Variants in RETSAT observed in about 807,000 individuals in gnomAD.
RETSAT encodes all-trans-retinol 13,14-reductase.
A neutral mutation model predicts 61.6 loss-of-function variants in RETSAT; 35 were observed. The ratio of observed to expected loss-of-function variants is 0.57; its 90% CI spans 0.43 to 0.75. RETSAT has a LOEUF of 0.75. RETSAT is among the 30% of genes least tolerant of loss of function. RETSAT has a pLI of 0.00. For missense variants in RETSAT, 670 were observed against 759.5 expected (o/e 0.88, Z 1.38); for synonymous variants, 277 against 310.4 (o/e 0.89, Z 1.13).
chr2:85,344,578 C>T lies in RETSAT; in HGVS notation c.1256+16G>A, dbSNP rs1396501784. On this transcript the variant is annotated intron_variant, in intron 7 of 10. Coordinates refer to ENST00000295802, the MANE Select transcript of RETSAT (RefSeq NM_017750.4). ...GAGGCACGGGCCACACACATACACA[C>T]ACACGTGCACCTTACGCCTGGTCCA... 2 of 1,613,578 alleles carry T rather than the reference C, an allele frequency of 1.2e-6. No homozygotes were observed. The highest frequency in any genetic ancestry group is 3.3e-5 in the Admixed American group (2 of 59,980).
intron 5 of RETSAT, among the ~76,000 whole-genome samples, chr2:85,348,943 G>A (rs1683252584): frequency 6.6e-6 from 1 of 151,616 alleles, no homozygotes; most frequent in South Asian, 2.1e-4. Context: ...TAGAGACGGG[G>A]TTTCACCGTA....
chr2:85,349,910 G>T, intron 4 of RETSAT, 130 bp downstream of exon 4: 1 of 841,764 alleles, frequency 1.2e-6, no homozygotes, highest in Non-Finnish European at 1.8e-6. Flanking sequence ...TCATCCACAA[G>T]CTCCAGAGGG....
chr2:85,344,706 G>T lies in RETSAT; in HGVS notation c.1144C>A (p.Arg382=), dbSNP rs573635973. 16 of 1,614,096 alleles carry T rather than the reference G, an allele frequency of 9.9e-6. 1 individual carries two copies. The South Asian group carries it at 1.5e-4, about 16-fold the overall frequency. The change falls in exon 7 of 11, where the codon CGG becomes AGG. Residue 382 remains arginine, a synonymous_variant. Transcript: ENST00000295802. ...PGVKQQLGTV[R]PGLGMTSVFI... is the part of the protein sequence containing the mutation. ...ACAGAGGTCATGCCTAAGCCGGGCC[G>T]CACCGTCCCCAGTTGCTGCTTCACA...
chr2:85,350,387 A>G (rs1683278520), intron 3 of RETSAT, 146 bp from the exon 4 acceptor site: 1 of 664,262 alleles, frequency 1.5e-6, no homozygotes, highest in South Asian at 1.9e-5. Context: ...TAAAAAATCT[A>G]TACTCTGTGA....
chr2:85,349,184 C>A (rs923713864), intron 5 of RETSAT, among the ~76,000 whole-genome samples, 200 bp downstream of exon 5: 1 of 152,126 alleles, frequency 6.6e-6, no homozygotes. Flanking sequence ...ACCACTATGC[C>A]CGGCCAATCC....
intron 5 of RETSAT, 48 bp from the exon 6 acceptor site, chr2:85,346,142 G>A (rs141261861): frequency 1.2e-5 from 19 of 1,582,100 alleles, no homozygotes; most frequent in East Asian, 2.2e-5. Flanking sequence ...CTGGGATGAA[G>A]AGAAAGGCCC....
At chr2:85,349,778 C>A (rs973712225) in intron 4 of RETSAT, 197 bp from the exon 5 acceptor site, 6 of 631,594 alleles carry the variant, frequency 9.5e-6, no homozygotes, top group Middle Eastern at 8.6e-4. Context: ...AGTAGGAATA[C>A]CCCCCCTGCA....
In RETSAT at chr2:85,349,468, G is replaced by C; in HGVS notation, c.913C>G (p.Pro305Ala). The C allele has an allele frequency of 6.2e-7, 1 of 1,614,190 alleles. No homozygotes were observed. The highest frequency in any genetic ancestry group is 8.5e-7 in the Non-Finnish European group (1 of 1,180,034). The change falls in exon 5 of 11, where the codon CCT becomes GCT. Residue 305 changes from proline to alanine, a missense_variant. Transcript: ENST00000295802. ...GCGCCCCCAGCCCGCTGAATCACAGGGATGGTGTGGAAGGCAATTTCACTG... is the reference window on the plus strand; with the variant it reads ...GCGCCCCCAGCCCGCTGAATCACAGCGATGGTGTGGAAGGCAATTTCACTG... ...GSSEIAFHTI[P>A]VIQRAGGAVL...
intron 1 of RETSAT, among the ~76,000 whole-genome samples, chr2:85,352,857 G>C (rs1683328084): frequency 6.6e-6 from 1 of 152,226 alleles, no homozygotes; most frequent in African/African-American, 2.4e-5. Context: ...TCTGGGGGCA[G>C]TGCTGAGGGA....
Position 85,344,606 on chromosome 2 carries a change from T to A in RETSAT, c.1244A>T (p.Asp415Val). 6.2e-7 allele frequency: 1 copy of A among 1,614,160 alleles called. No individual in the cohort carries two copies. Among genetic ancestry groups the A allele is most frequent in the Non-Finnish European group, 8.5e-7 (1 of 1,180,018 alleles). The change falls in exon 7 of 11, where the codon GAC (aspartate) becomes GTC (valine). Residue 415 changes from aspartate (D) to valine (V), a missense_variant. Physicochemically the swap from Asp to Val is radical, Grantham distance 152. Coordinates refer to ENST00000295802, the MANE Select transcript of RETSAT (RefSeq NM_017750.4). Reference protein sequence around the residue: ...STNYYVYYDTDMDQAMERYVS... With the variant: ...STNYYVYYDTVMDQAMERYVS... ...ACGTGCACCTTACGCCTGGTCCATGTCCGTGTCATAGTAAACATAGTAGTT... is the reference window on the plus strand; with the variant it reads ...ACGTGCACCTTACGCCTGGTCCATGACCGTGTCATAGTAAACATAGTAGTT...
intron 1 of RETSAT, among the ~76,000 whole-genome samples, chr2:85,352,217 G>A (rs1370708212): frequency 6.6e-6 from 1 of 151,816 alleles, no homozygotes; most frequent in Non-Finnish European, 1.5e-5. Context: ...ACCATGCCGG[G>A]CCATTTTATT....
At position 85,354,508 on chromosome 2, in the gene RETSAT, C is replaced by T. The variant is rs373568449; in HGVS notation, c.-1G>A. ...GGAGCAGCACCAGCGGAAGCCACAT[C>T]ACGCCGGCGTCGGGTCGGGTAAATG... On this transcript the variant is annotated 5_prime_UTR_variant, in exon 1 of 11. Coordinates refer to ENST00000295802, the MANE Select transcript of RETSAT (RefSeq NM_017750.4). 3 of 1,606,242 alleles carry T rather than the reference C, an allele frequency of 1.9e-6. No individual in the cohort carries two copies. The highest frequency in any genetic ancestry group is 1.3e-5 in the African/African-American group (1 of 74,764).
intron 5 of RETSAT, among the ~76,000 whole-genome samples, chr2:85,347,874 T>C (rs1041730396): frequency 6.6e-6 from 1 of 152,208 alleles, no homozygotes; most frequent in Non-Finnish European, 1.5e-5. Flanking sequence ...ACTAATGGAT[T>C]CTCTCAGATC....
chr2:85,342,081 A>C lies in RETSAT; in HGVS notation c.*1161T>G. On this transcript the variant is annotated 3_prime_UTR_variant, in exon 11 of 11. Coordinates refer to ENST00000295802, the MANE Select transcript of RETSAT (RefSeq NM_017750.4). Reference sequence around the variant, plus strand: ...TTTTGTTTTCTTGAACAAAAAACCAAAATAAATTTCAAATGTTAAAGCAAT... The same window carrying C: ...TTTTGTTTTCTTGAACAAAAAACCACAATAAATTTCAAATGTTAAAGCAAT... 2.6e-6 allele frequency: 1 copy of C among 377,550 alleles called. No homozygotes were observed. The highest frequency in any genetic ancestry group is 4.7e-6 in the Non-Finnish European group (1 of 211,274). 23.4% of individuals were successfully genotyped at this position (377,550 alleles called of 1,614,324 possible). A position where few individuals can be genotyped will look rare whatever the true frequency, so the allele number is the denominator to read the frequency against.
chr2:85,349,280 A>G, intron 5 of RETSAT, 104 bp downstream of exon 5: 2 of 1,064,594 alleles, frequency 1.9e-6, no homozygotes, highest in Admixed American at 1.8e-5. Context: ...TTTAGCCTCC[A>G]TGAGGAGGTC....
chr2:85,346,180 G>A (rs1683198409), intron 5 of RETSAT, 86 bp from the exon 6 acceptor site: 1 of 1,525,052 alleles, frequency 6.6e-7, no homozygotes, highest in Non-Finnish European at 8.8e-7. Context: ...CTCTCTGCCT[G>A]TGCCCATTTC....
chr2:85,349,642 G>A, intron 4 of RETSAT, 61 bp from the exon 5 acceptor site: 1 of 1,422,380 alleles, frequency 7.0e-7, no homozygotes, highest in South Asian at 1.2e-5. Flanking sequence ...ATTCAGAAAG[G>A]AACGTGGAAT....
chr2:85,343,738 C>A lies in RETSAT; in HGVS notation c.1594G>T (p.Gly532Cys), dbSNP rs761760760. The change falls in exon 10 of 11, where the codon GGT (glycine) becomes TGT (cysteine). Residue 532 changes from glycine to cysteine, a missense_variant. By Grantham distance (159) the Gly-to-Cys change is radical (BLOSUM62 -3). Transcript: ENST00000295802. Reference protein sequence around the residue: ...TNQFYLAAPRGACYGADHDLG... With the variant: ...TNQFYLAAPRCACYGADHDLG... ...TCATGGTCAGCCCCGTAGCAGGCAC[C>A]TCGGGGAGCAGCCAGATAGAACTGG... 5 of 1,614,058 alleles carry A rather than the reference C, an allele frequency of 3.1e-6. No individual in the cohort carries two copies. Among genetic ancestry groups the A allele is most frequent in the Non-Finnish European group, 4.2e-6 (5 of 1,179,902 alleles).
rs138358940 is a variant in RETSAT at position 85,350,176 on chromosome 2, G to A, written c.663C>T (p.Leu221=). 177 of 1,613,996 alleles carry A rather than the reference G, an allele frequency of 1.1e-4. 1 individual carries two copies. The African/African-American group carries it at 2.2e-3, about 20-fold the overall frequency. ...GAGTCAGCAGCCCACACCTGTCGAG[G>A]AGCTGAACCACGGGCAATGGGAGGA... ...LKFLPLPVVQ[L]LDRCGLLTRF... The change falls in exon 4 of 11, where the codon CTC becomes CTT. Residue 221 remains leucine, a synonymous_variant. Transcript: ENST00000295802.
Sources: allele counts gnomAD v4.1 joint callset (sites outside exome capture counted in the v4.1 genomes callset), GRCh38; gene constraint gnomAD v4.1.1; transcripts MANE v1.5; gene names NCBI Gene and HGNC (gene_info 2026-07-23, HGNC 2026-07-21).